Variants in TRMO observed in about 807,000 individuals in gnomAD.
TRMO encodes tRNA methyltransferase O, also known as tRNA (adenine(37)-N6)-methyltransferase.
TRMO carries 30 observed loss-of-function variants against 37.2 expected under a neutral mutation model. The observed-to-expected ratio is 0.81, with a 90% CI of 0.60 to 1.09. The LOEUF (loss-of-function observed/expected upper bound fraction) is 1.09. Among genes scored for constraint, TRMO ranks in the 50% least tolerant of loss-of-function variants. The pLI is 0.00. For missense variants in TRMO, 552 were observed against 549.5 expected (o/e 1.00, Z -0.05); for synonymous variants, 239 against 199.4 (o/e 1.20, Z -1.67).
chr9:97,922,496 C>G lies in TRMO; in HGVS notation c.-3G>C, dbSNP rs199804891. On this transcript the variant is annotated 5_prime_UTR_variant, in exon 1 of 5. Transcript: ENST00000375119. ...CCCGACTCCTCCAAGCCGCGCATGG[C>G]TACTGGTTGCTGAGGTGCCCACCCG... 5 of 1,569,888 alleles carry G rather than the reference C, an allele frequency of 3.2e-6. No homozygotes were observed. The highest frequency in any genetic ancestry group is 1.3e-5 in the African/African-American group (1 of 74,356).
chr9:97,916,336 T>C lies in TRMO; in HGVS notation c.79A>G (p.Asn27Asp). Residue 27 changes from asparagine (N) to aspartate (D), a missense_variant and splice_region_variant, in exon 2 of 5, where the codon AAT becomes GAT. Physicochemically the swap from Asn to Asp is conservative, Grantham distance 23. Transcript: ENST00000375119. ...GCVKPALETGNLLTEPVGYLE... is the reference protein window; with the variant it reads ...GCVKPALETGDLLTEPVGYLE... ...TAGCCGACTGGCTCAGTTAAAAGAT[T>C]CCCTACAGGAGAAAATTAGGTAAAA... The C allele has an allele frequency of 6.2e-7, 1 of 1,601,614 alleles. No individual in the cohort carries two copies. Among genetic ancestry groups the C allele is most frequent in the African/African-American group, 1.3e-5 (1 of 74,242 alleles).
chr9:97,907,267 C>G (rs993308006), intron 4 of TRMO, among the ~76,000 whole-genome samples: 1 of 152,162 alleles, frequency 6.6e-6, no homozygotes, highest in Non-Finnish European at 1.5e-5. Flanking sequence ...TGGCAGGTGG[C>G]TGCCTCCACC....
intron 1 of TRMO, among the ~76,000 whole-genome samples, chr9:97,918,221 A>G (rs942212343): frequency 1.3e-5 from 2 of 149,908 alleles, no homozygotes; most frequent in Admixed American, 6.6e-5. Flanking sequence ...TCTCTACTAG[A>G]AGTACAAAAA....
rs1564103081 is a variant in TRMO, at chr9:97,904,723, G to C, written c.*10C>G. ...CAATGATGCTACCTTAAAGACATGA[G>C]GGAGGCTCCTTAAGACCCTAGAGAC... On this transcript the variant is annotated 3_prime_UTR_variant, in exon 5 of 5. Coordinates refer to ENST00000375119, the MANE Select transcript of TRMO (RefSeq NM_016481.5). 2 of 1,613,070 alleles carry C rather than the reference G, an allele frequency of 1.2e-6. No individual in the cohort carries two copies. The highest frequency in any genetic ancestry group is 1.7e-6 in the Non-Finnish European group (2 of 1,179,782).
chr9:97,913,229 T>G, intron 3 of TRMO, 172 bp downstream of exon 3: 1 of 515,662 alleles, frequency 1.9e-6, no homozygotes, highest in Non-Finnish European at 3.4e-6. Context: ...TATTTCAACA[T>G]TTTTCAATGC....
rs1473265949 is a variant in TRMO at position 97,916,321 on chromosome 9, G to A, written c.94C>T (p.Pro32Ser). The A allele has an allele frequency of 1.9e-6, 3 of 1,611,220 alleles. No homozygotes were observed. The highest frequency in any genetic ancestry group is 1.7e-6 in the Non-Finnish European group (2 of 1,178,788). ...ALETGNLLTE[P>S]VGYLESCFSA... ...AAACAAGATTCCAAGTAGCCGACTG[G>A]CTCAGTTAAAAGATTCCCTACAGGA... Residue 32 changes from proline to serine, a missense_variant, in exon 2 of 5, where the codon CCA becomes TCA. Coordinates refer to ENST00000375119, the MANE Select transcript of TRMO (RefSeq NM_016481.5).
chr9:97,921,829 A>G (rs185604436), intron 1 of TRMO, among the ~76,000 whole-genome samples: 1 of 152,260 alleles, frequency 6.6e-6, no homozygotes, highest in East Asian at 1.9e-4. Flanking sequence ...GTGTGTATGC[A>G]AAGAAACAAG....
chr9:97,898,459 C>A, the TRMO span, among the ~76,000 whole-genome samples: 1 of 152,106 alleles, frequency 6.6e-6, no homozygotes, highest in South Asian at 2.1e-4. Flanking sequence ...AGCCCCCCAC[C>A]CCACTGAGTA....
intron 1 of TRMO, among the ~76,000 whole-genome samples, chr9:97,918,790 G>A (rs1288202617): frequency 6.6e-6 from 1 of 152,052 alleles, no homozygotes; most frequent in Non-Finnish European, 1.5e-5. Flanking sequence ...AAACTAGAGC[G>A]TTACTAACGA....
Position 97,922,468 on chromosome 9 carries a change from G to T in TRMO, c.26C>A (p.Pro9His). The change falls in exon 1 of 5, where the codon CCT (proline) becomes CAT (histidine). Residue 9 changes from proline (P) to histidine (H), a missense_variant. By Grantham distance (77) the Pro-to-His change is moderately conservative. Transcript: ENST00000375119. ...GCCGCACGGGGTCGCTGTAGGCCGA[G>T]GCCCCGACTCCTCCAAGCCGCGCAT... Reference protein sequence around the residue: MRGLEESGPRPTATPCGCV... With the variant: MRGLEESGHRPTATPCGCV... 6.3e-7 allele frequency: 1 copy of T among 1,586,806 alleles called. No individual in the cohort carries two copies.
intron 2 of TRMO, among the ~76,000 whole-genome samples, chr9:97,915,071 AT>A (rs1223097957): frequency 6.6e-6 from 1 of 152,260 alleles, no homozygotes; most frequent in African/African-American, 2.4e-5. Context: ...GACATGAAAA[AT>A]AAACTATTTC....
At chr9:97,908,178 C>T (rs574604697) in intron 4 of TRMO, among the ~76,000 whole-genome samples, 16 of 152,108 alleles carry the variant, frequency 1.1e-4, no homozygotes, top group South Asian at 2.1e-4. Context: ...TTTGGGAGGC[C>T]AAGGCGGGGG....
At chr9:97,918,634 G>C (rs1300105983) in intron 1 of TRMO, among the ~76,000 whole-genome samples, 1 of 152,034 alleles carries the variant, frequency 6.6e-6, no homozygotes, top group Non-Finnish European at 1.5e-5. Context: ...AAGACTATAG[G>C]TCTGGGGCTG....
downstream of TRMO, among the ~76,000 whole-genome samples, chr9:97,902,090 T>C (rs546505036): frequency 3.3e-5 from 5 of 152,316 alleles, no homozygotes; most frequent in Non-Finnish European, 7.3e-5. Context: ...GTGGCCTCTC[T>C]AGTGGGCAGA....
At chr9:97,902,066 G>C (rs1385435196), downstream of TRMO, among the ~76,000 whole-genome samples, 1 of 152,222 alleles carries the variant, frequency 6.6e-6, no homozygotes, top group Non-Finnish European at 1.5e-5. Flanking sequence ...AACTTGGGAG[G>C]GCAACCAGCC....
chr9:97,915,966 G>C (rs1020422850), intron 2 of TRMO, among the ~76,000 whole-genome samples, 198 bp downstream of exon 2: 4 of 152,096 alleles, frequency 2.6e-5, no homozygotes, highest in Admixed American at 2.6e-4. Flanking sequence ...CCTTGAGCTC[G>C]GGAGGCAGAG....
chr9:97,898,566 T>C, the TRMO span, among the ~76,000 whole-genome samples: 1 of 152,010 alleles, frequency 6.6e-6, no homozygotes, highest in Non-Finnish European at 1.5e-5. Flanking sequence ...AAAAAAAATT[T>C]TGTTTTAGAG....
At chr9:97,907,099 T>C (rs184322545) in intron 4 of TRMO, among the ~76,000 whole-genome samples, 2,174 of 152,298 alleles carry the variant, frequency 0.014, 39 homozygotes, top group African/African-American at 0.049. Flanking sequence ...AAAGCTTTGT[T>C]TAAAAGTAAA....
chr9:97,919,457 GA>G (rs1826525239), intron 1 of TRMO, among the ~76,000 whole-genome samples: 2 of 152,050 alleles, frequency 1.3e-5, no homozygotes, highest in Admixed American at 1.3e-4. Flanking sequence ...GGAAAGAAAA[GA>G]AAAGAAAGAG....
Sources: allele counts gnomAD v4.1 joint callset (sites outside exome capture counted in the v4.1 genomes callset), GRCh38; gene constraint gnomAD v4.1.1; transcripts MANE v1.5; gene names NCBI Gene and HGNC (gene_info 2026-07-23, HGNC 2026-07-21).